Variants in AGK observed in about 807,000 individuals in gnomAD.
AGK encodes acylglycerol kinase.
A neutral mutation model predicts 66.4 loss-of-function variants in AGK; 52 were observed. The ratio of observed to expected loss-of-function variants is 0.78; its 90% CI spans 0.63 to 0.99. AGK has a LOEUF of 0.99. Ranked by LOEUF, AGK falls within the 50% of genes least tolerant of loss-of-function variation. AGK has a pLI of 0.00. For synonymous variants in AGK, 182 were observed against 181.1 expected (o/e 1.00, Z -0.04); for missense variants, 451 against 506.6 (o/e 0.89, Z 1.05).
At chr7:141,560,237 T>C (rs898476609) in intron 2 of AGK, among the ~76,000 whole-genome samples, 4 of 151,954 alleles carry the variant, frequency 2.6e-5, no homozygotes, top group Non-Finnish European at 5.9e-5. Flanking sequence ...ACCTTTATTA[T>C]GCTGTGATAC....
chr7:141,644,037 T>A (rs1186778641), intron 13 of AGK, among the ~76,000 whole-genome samples: 5 of 151,908 alleles, frequency 3.3e-5, no homozygotes, highest in Non-Finnish European at 7.4e-5. Flanking sequence ...ATGTAGGCAG[T>A]CCTTTTTTAC....
intron 9 of AGK, among the ~76,000 whole-genome samples, chr7:141,633,168 G>A (rs987289749): frequency 6.6e-6 from 1 of 152,106 alleles, no homozygotes; most frequent in Admixed American, 6.5e-5. Context: ...CTGGGTGCCT[G>A]TCAGTTTTCA....
Position 141,555,587 on chromosome 7 carries a change from A to C in AGK, c.101+20A>C. ...ACACTGGTAACTATCTGACAGCCCC[A>C]TCCCACCTTTGCATCTGCAGCAAAA... On this transcript the variant is annotated intron_variant, in intron 2 of 15. Transcript: ENST00000649286. The surrounding 1 kb of genome is among the most constrained non-coding windows in gnomAD (Gnocchi z 4.2). 6.3e-7 allele frequency: 1 copy of C among 1,585,466 alleles called. No homozygotes were observed. The highest frequency in any genetic ancestry group is 1.1e-5 in the South Asian group (1 of 89,276).
chr7:141,575,324 A>C (rs966364870), intron 2 of AGK, among the ~76,000 whole-genome samples: 3 of 152,206 alleles, frequency 2.0e-5, no homozygotes, highest in African/African-American at 7.2e-5. Context: ...ACCAGGCCAG[A>C]TGCTTTTACA....
At chr7:141,581,578 T>C (rs772688180) in intron 2 of AGK, among the ~76,000 whole-genome samples, 2 of 151,830 alleles carry the variant, frequency 1.3e-5, no homozygotes, top group African/African-American at 4.9e-5. Flanking sequence ...GATACTGGCA[T>C]TGAGCGAGGT....
At chr7:141,621,622 A>C in intron 8 of AGK, 110 bp from the exon 9 acceptor site, 4 of 721,580 alleles carry the variant, frequency 5.5e-6, no homozygotes, top group East Asian at 2.8e-5. Context: ...GAGAGAGAGA[A>C]TGAGAGAGAA....
Position 141,626,206 on chromosome 7 carries a change from G to A in AGK, c.588+4405G>A, listed in dbSNP as rs145133654. ...GATGTAGCCTGCAGGTGTCCTACTC[G>A]CCAATTTGGGACTCTTTGAATATTA... is the stretch of plus-strand genomic sequence containing the variant. On this transcript the variant is annotated intron_variant, in intron 9 of 15. Transcript: ENST00000649286. Among the ~76,000 whole-genome samples the A allele has an allele frequency of 3.2e-3, 490 of 152,252 alleles. 4 individuals carry two copies. The highest frequency in any genetic ancestry group is 0.011 in the African/African-American group (471 of 41,546).
In AGK at chr7:141,644,946, A is replaced by T. The variant is rs201121229; in HGVS notation, c.975+3038A>T. ...TCTTCTATTGTTGTTCCATTTTCTC[A>T]TATTTATACTAATACTCTGCTTCTC... On this transcript the variant is annotated intron_variant, in intron 13 of 15. Coordinates refer to ENST00000649286, the MANE Select transcript of AGK (RefSeq NM_018238.4). Among the ~76,000 whole-genome samples, 10 of 152,120 alleles carry T rather than the reference A, an allele frequency of 6.6e-5. No individual in the cohort carries two copies. In the East Asian group the frequency reaches 1.9e-3, roughly 29 times the overall value.
intron 4 of AGK, among the ~76,000 whole-genome samples, chr7:141,597,674 C>T (rs964078965): frequency 7.3e-5 from 11 of 151,490 alleles, no homozygotes; most frequent in African/African-American, 1.7e-4. Flanking sequence ...AGTTTGAGAC[C>T]AGCCTGGGTA....
intron 2 of AGK, among the ~76,000 whole-genome samples, chr7:141,563,142 G>A (rs1248958431): frequency 6.6e-6 from 1 of 152,158 alleles, no homozygotes; most frequent in African/African-American, 2.4e-5. Flanking sequence ...AATTCTTTCA[G>A]TTTTCCTGGT....
At chr7:141,562,575 G>A (rs1014646084) in intron 2 of AGK, among the ~76,000 whole-genome samples, 9 of 152,130 alleles carry the variant, frequency 5.9e-5, no homozygotes, top group Non-Finnish European at 1.0e-4. Context: ...GTGGGGTTAT[G>A]TTCCAGAGGG....
rs1311705141 is a variant in AGK at position 141,588,991 on chromosome 7, T to G, written c.102-4155T>G. 5.3e-5 allele frequency among the ~76,000 whole-genome samples: 8 copies of G among 152,310 alleles called. No individual in the cohort carries two copies. In the South Asian group the frequency reaches 1.2e-3, roughly 24 times the overall value. ...GTTGGTGTCTTCACTGAAGGTTGTT[T>G]TATCAGCAAGGTCTTTATCAGCTAT... is the stretch of plus-strand genomic sequence containing the variant. On this transcript the variant is annotated intron_variant, in intron 2 of 15. Transcript: ENST00000649286.
intron 3 of AGK, among the ~76,000 whole-genome samples, chr7:141,595,589 T>C (rs1353162653): frequency 6.6e-6 from 1 of 152,200 alleles, no homozygotes; most frequent in Non-Finnish European, 1.5e-5. Context: ...GCATTACTTT[T>C]TTTCCTCCTC....
At chr7:141,554,465 T>G (rs2116842062) in intron 1 of AGK, among the ~76,000 whole-genome samples, 1 of 152,360 alleles carries the variant, frequency 6.6e-6, no homozygotes, top group Non-Finnish European at 1.5e-5. Flanking sequence ...TAATTTTACT[T>G]AACATTATGT....
chr7:141,555,332 G>A lies in AGK; in HGVS notation c.-14-121G>A, dbSNP rs1795184393. Reference sequence around the variant, plus strand: ...GAGGAGAAGTGGTAAGGAGGAAGAGGAGTGAGTGGGAAAAAAAGGAGTGAG... The same window carrying A: ...GAGGAGAAGTGGTAAGGAGGAAGAGAAGTGAGTGGGAAAAAAAGGAGTGAG... On this transcript the variant is annotated intron_variant, in intron 1 of 15. Transcript: ENST00000649286. The surrounding 1 kb of genome is among the most constrained non-coding windows in gnomAD (Gnocchi z 4.2). 2.3e-5 allele frequency: 14 copies of A among 610,890 alleles called. No homozygotes were observed. In the South Asian group the frequency reaches 2.9e-4, roughly 13 times the overall value. The allele number at this position is 610,890 out of a possible 1,614,324, so 37.8% of individuals were successfully genotyped here.
At chr7:141,568,459 C>T (rs542061317) in intron 2 of AGK, among the ~76,000 whole-genome samples, 14 of 152,278 alleles carry the variant, frequency 9.2e-5, no homozygotes, top group Admixed American at 2.6e-4. Context: ...AATAGCTTGG[C>T]TCCTGCTTAG....
intron 14 of AGK, chr7:141,650,643 T>G: frequency 2.0e-6 from 2 of 985,450 alleles, no homozygotes; most frequent in Non-Finnish European, 2.4e-6. Context: ...AAAAGATACA[T>G]CTGCATGAGG....
In AGK at chr7:141,636,979, C is replaced by G. The variant is rs1797187390; in HGVS notation, c.688C>G (p.Leu230Val). Residue 230 changes from leucine (L) to valine (V), a missense_variant, in exon 11 of 16, where the codon CTA (leucine) becomes GTA (valine). Transcript: ENST00000649286. ...TCACAGGTACTGGTATCTTGGGCCTCTAAAAATCAAAGCAGCCCACTTTTT... is the reference window on the plus strand; with the variant it reads ...TCACAGGTACTGGTATCTTGGGCCTGTAAAAATCAAAGCAGCCCACTTTTT... ...KVSKYWYLGPLKIKAAHFFST... is the reference protein window; with the variant it reads ...KVSKYWYLGPVKIKAAHFFST... The G allele has an allele frequency of 1.2e-6, 2 of 1,612,600 alleles. No homozygotes were observed. The highest frequency in any genetic ancestry group is 1.7e-6 in the Non-Finnish European group (2 of 1,179,246).
intron 2 of AGK, among the ~76,000 whole-genome samples, chr7:141,572,916 G>A (rs4632970): frequency 0.33 from 50,681 of 151,874 alleles, 9,050 homozygotes; most frequent in Middle Eastern, 0.45. Flanking sequence ...TTTGTGCTCC[G>A]TTTTTCAGTA....
Sources: allele counts gnomAD v4.1 joint callset (sites outside exome capture counted in the v4.1 genomes callset), GRCh38; gene constraint gnomAD v4.1.1; non-coding constraint Gnocchi (gnomAD v3.1); transcripts MANE v1.5; gene names NCBI Gene and HGNC (gene_info 2026-07-23, HGNC 2026-07-21).